RGS7: variants seen among roughly 807,000 people sequenced by gnomAD.
The protein encoded by RGS7 is regulator of G protein signaling 7.
RGS7 carries 27 observed loss-of-function variants against 81.1 expected under a neutral mutation model. That is an observed-to-expected ratio of 0.33 (90% CI 0.25 to 0.46). The LOEUF is 0.46. Ranked by LOEUF, RGS7 falls within the 20% of genes least tolerant of loss-of-function variation. The probability of loss-of-function intolerance (pLI) is 1.00; values close to 1 mark genes in which losing one functional copy is unlikely to be tolerated. For missense variants in RGS7, 396 were observed against 607.4 expected (o/e 0.65, Z 3.66); for synonymous variants, 208 against 207.7 (o/e 1.00, Z -0.01).
chr1:241,315,592 T>A (rs1009839860), intron 2 of RGS7, among the ~76,000 whole-genome samples: 3 of 152,208 alleles, frequency 2.0e-5, no homozygotes, highest in African/African-American at 4.8e-5. Context: ...TTCTAACAAT[T>A]TTTGTGAAGT....
At chr1:241,310,955 G>A (rs918692331) in intron 2 of RGS7, among the ~76,000 whole-genome samples, 1 of 152,170 alleles carries the variant, frequency 6.6e-6, no homozygotes, top group Admixed American at 6.5e-5. Context: ...TGGAGTTGGT[G>A]GAATGCAATG....
intron 2 of RGS7, among the ~76,000 whole-genome samples, chr1:241,338,749 AAT>A (rs549266345): frequency 1.3e-5 from 2 of 149,918 alleles, no homozygotes; most frequent in Non-Finnish European, 3.0e-5. Flanking sequence ...TTATATATTA[AAT>A]ATATATATGT....
intron 2 of RGS7, among the ~76,000 whole-genome samples, chr1:241,116,798 T>C (rs2065913211): frequency 6.6e-6 from 1 of 152,198 alleles, no homozygotes; most frequent in South Asian, 2.1e-4. Flanking sequence ...AAATGTTCAG[T>C]ATCCTCCTTC....
rs141406044 is a variant in RGS7 at position 241,062,999 on chromosome 1, T to G, written c.175+35667A>C. On this transcript the variant is annotated intron_variant, in intron 3 of 18. Coordinates refer to ENST00000440928, the MANE Select transcript of RGS7 (RefSeq NM_001364886.1). Reference sequence around the variant, plus strand: ...GGAAACAGCCATGTTACTCCTCCACTGAATTCACACACACACGGATATAAG... The same window carrying G: ...GGAAACAGCCATGTTACTCCTCCACGGAATTCACACACACACGGATATAAG... Among the ~76,000 whole-genome samples, 1,267 of 152,348 alleles carry G rather than the reference T, an allele frequency of 8.3e-3. 26 individuals carry two copies. Among genetic ancestry groups the G allele is most frequent in the African/African-American group, 0.03 (1,232 of 41,570 alleles).
intron 2 of RGS7, among the ~76,000 whole-genome samples, chr1:241,132,067 C>T (rs940318879): frequency 3.3e-5 from 5 of 152,076 alleles, no homozygotes; most frequent in African/African-American, 7.2e-5. Flanking sequence ...CGCAAAGGAC[C>T]GCCAGGCTCC....
At chr1:241,250,827 T>A (rs569533717) in intron 2 of RGS7, among the ~76,000 whole-genome samples, 1 of 152,256 alleles carries the variant, frequency 6.6e-6, no homozygotes, top group Non-Finnish European at 1.5e-5. Flanking sequence ...GTTCAACAGA[T>A]GATAAGGCTA....
At chr1:240,794,978 T>A (rs966948775) in intron 18 of RGS7, among the ~76,000 whole-genome samples, 3 of 151,542 alleles carry the variant, frequency 2.0e-5, no homozygotes, top group Admixed American at 6.6e-5. Context: ...AGGTCGGGAG[T>A]TCGAGACCAG....
At chr1:241,308,007 T>C (rs2080280458) in intron 2 of RGS7, among the ~76,000 whole-genome samples, 1 of 152,232 alleles carries the variant, frequency 6.6e-6, no homozygotes, top group Non-Finnish European at 1.5e-5. Context: ...CTTATGATTT[T>C]ATACTTAAAA....
intron 3 of RGS7, among the ~76,000 whole-genome samples, chr1:241,050,996 C>G (rs2061219805): frequency 6.6e-6 from 1 of 152,074 alleles, no homozygotes; most frequent in South Asian, 2.1e-4. Context: ...ATTGGCACTT[C>G]TAACCCCCAC....
chr1:241,162,484 T>TGCCAAGGTATAAAACCCC (rs1476611384), intron 2 of RGS7, among the ~76,000 whole-genome samples: 1 of 152,182 alleles, frequency 6.6e-6, no homozygotes, highest in Admixed American at 6.5e-5. Context: ...CCAAAAACCC[T>TGCCAAGGTATAAAACCCC]GCCAAGGTAT....
At chr1:240,885,294 C>G (rs770813889) in intron 6 of RGS7, among the ~76,000 whole-genome samples, 18 of 152,134 alleles carry the variant, frequency 1.2e-4, no homozygotes, top group Non-Finnish European at 2.5e-4. Context: ...CACTTGCACA[C>G]TCTTGGTGGG....
At chr1:240,912,368 A>C (rs1367600374) in intron 6 of RGS7, among the ~76,000 whole-genome samples, 4 of 151,410 alleles carry the variant, frequency 2.6e-5, no homozygotes, top group Non-Finnish European at 5.9e-5. Flanking sequence ...AGTAAACTAA[A>C]TATAAATAGT....
chr1:241,068,624 G>C (rs1039594659), intron 3 of RGS7, among the ~76,000 whole-genome samples: 5 of 152,094 alleles, frequency 3.3e-5, no homozygotes, highest in Non-Finnish European at 5.9e-5. Flanking sequence ...ATCTGAGTCT[G>C]AATCCTGATC....
chr1:240,842,216 T>TTTTTTTTTTTTTTTTTTTTTTTA (rs1658181941), intron 9 of RGS7, among the ~76,000 whole-genome samples: 1 of 141,198 alleles, frequency 7.1e-6, no homozygotes, highest in African/African-American at 2.6e-5. Flanking sequence ...TTTTTTTTTT[T>TTTTTTTTTTTTTTTTTTTTTTTA]GAGACAGAGT....
intron 6 of RGS7, among the ~76,000 whole-genome samples, chr1:240,887,129 A>T (rs2148122474): frequency 6.6e-6 from 1 of 152,196 alleles, no homozygotes; most frequent in Admixed American, 6.5e-5. Flanking sequence ...GATATATTGT[A>T]CTTTCAGGTC....
intron 6 of RGS7, chr1:240,920,352 G>C (rs1673307222): frequency 6.5e-7 from 1 of 1,535,406 alleles, no homozygotes; most frequent in African/African-American, 1.4e-5. Context: ...CTGTTGTGGT[G>C]GTGGATATGG....
intron 2 of RGS7, among the ~76,000 whole-genome samples, chr1:241,168,630 A>G (rs1358772674): frequency 6.6e-6 from 1 of 152,140 alleles, no homozygotes; most frequent in Non-Finnish European, 1.5e-5. Context: ...ATTTTGTTCG[A>G]GCCCCTATAG....
In RGS7 at chr1:241,144,970, T is replaced by TGTGTGTGTG. The variant is rs2068206978; in HGVS notation, c.79-46209_79-46208insCACACACAC. ...GTGTGTGTGTGTGTGTGTGTTCGTG[T>TGTGTGTGTG]TCATTCTTCCTGTTCCTGTTTTCCC... On this transcript the variant is annotated intron_variant, in intron 2 of 18. Transcript: ENST00000440928. This position sits in a 1 kb window ranked among gnomAD's most constrained non-coding sequence, Gnocchi z 4.7. Among the ~76,000 whole-genome samples the TGTGTGTGTG allele has an allele frequency of 2.0e-5, 3 of 151,246 alleles. No individual in the cohort carries two copies. The highest frequency in any genetic ancestry group is 6.6e-5 in the Admixed American group (1 of 15,172).
At chr1:240,935,860 G>C (rs1013350586) in intron 5 of RGS7, among the ~76,000 whole-genome samples, 4 of 152,198 alleles carry the variant, frequency 2.6e-5, no homozygotes, top group Non-Finnish European at 4.4e-5. Flanking sequence ...AAATGGATTA[G>C]AGTTTGACAT....
Sources: allele counts gnomAD v4.1 joint callset (sites outside exome capture counted in the v4.1 genomes callset), GRCh38; gene constraint gnomAD v4.1.1; non-coding constraint Gnocchi (gnomAD v3.1); transcripts MANE v1.5; gene names NCBI Gene and HGNC (gene_info 2026-07-23, HGNC 2026-07-21).